ITGB1: variants seen among roughly 807,000 people sequenced by gnomAD.
The protein encoded by ITGB1 is integrin subunit beta 1, also known as integrin beta-1.
Under a neutral mutation model 86.5 loss-of-function variants are expected in ITGB1, and 24 were observed. The ratio of observed to expected loss-of-function variants is 0.28; its 90% confidence interval spans 0.20 to 0.39. The LOEUF (loss-of-function observed/expected upper bound fraction) is 0.39, where lower values mean the gene tolerates loss of function less well. ITGB1 is among the 10% of genes least tolerant of loss of function. The pLI is 1.00. For missense variants in ITGB1, 556 were observed against 946.9 expected (o/e 0.59, Z 5.42); for synonymous variants, 323 against 316.8 (o/e 1.02, Z -0.21).
intron 9 of ITGB1, among the ~76,000 whole-genome samples, chr10:32,920,951 C>T (rs2094947578): frequency 1.3e-5 from 2 of 151,854 alleles, no homozygotes. Flanking sequence ...CCACTGCACT[C>T]CAGCCTGAGC....
intron 15 of ITGB1, among the ~76,000 whole-genome samples, chr10:32,902,429 TTATAC>T (rs1317622432): frequency 2.6e-5 from 4 of 152,214 alleles, no homozygotes; most frequent in South Asian, 2.1e-4. Flanking sequence ...AAAAATTCTC[TTATAC>T]TATAACTGCT....
At chr10:32,944,010 T>C (rs2095025209) in intron 1 of ITGB1, among the ~76,000 whole-genome samples, 1 of 152,162 alleles carries the variant, frequency 6.6e-6, no homozygotes, top group Non-Finnish European at 1.5e-5. Context: ...TTCTAAGAAC[T>C]ACAGTGCACG....
chr10:32,916,602 G>T (rs1593860979), intron 11 of ITGB1, among the ~76,000 whole-genome samples: 1 of 152,132 alleles, frequency 6.6e-6, no homozygotes, highest in South Asian at 2.1e-4. Context: ...CTGCTTCAAA[G>T]AGAATAAAAT....
At chr10:32,937,970 T>C (rs1387271983) in intron 1 of ITGB1, among the ~76,000 whole-genome samples, 1 of 152,248 alleles carries the variant, frequency 6.6e-6, no homozygotes, top group Non-Finnish European at 1.5e-5. Context: ...AGTTGTGCTC[T>C]GAGCACCCGA....
At chr10:32,935,455 A>C (rs774372007) in intron 2 of ITGB1, 37 bp downstream of exon 2, 1 of 1,368,334 alleles carries the variant, frequency 7.3e-7, no homozygotes, top group Non-Finnish European at 1.0e-6. Flanking sequence ...CAAGATACGG[A>C]AATGAAAAGA....
At chr10:32,913,488 C>T (rs561172123) in intron 11 of ITGB1, among the ~76,000 whole-genome samples, 8 of 152,116 alleles carry the variant, frequency 5.3e-5, no homozygotes, top group South Asian at 2.1e-4. Flanking sequence ...CCTGATGGAG[C>T]GGAAAACCAT....
At chr10:32,912,927 C>T (rs188206982) in intron 11 of ITGB1, among the ~76,000 whole-genome samples, 1 of 152,310 alleles carries the variant, frequency 6.6e-6, no homozygotes, top group African/African-American at 2.4e-5. Flanking sequence ...GGCTGACTGA[C>T]ACCTCATACA....
At chr10:32,916,967 C>G (rs1438370247) in intron 11 of ITGB1, among the ~76,000 whole-genome samples, 4 of 152,164 alleles carry the variant, frequency 2.6e-5, no homozygotes, top group East Asian at 1.9e-4. Flanking sequence ...GTAACCAAAA[C>G]AGCATGGTAC....
rs768997768 is a variant in ITGB1, at chr10:32,920,220, A to G, written c.1269+25T>C. ...TGCTTATAAATAACCAATGTTTTCT[A>G]CAGAAAATGCTTTATACAACATACC... On this transcript the variant is annotated intron_variant, in intron 10 of 15. Transcript: ENST00000302278. 4.4e-6 allele frequency: 7 copies of G among 1,603,298 alleles called. No individual in the cohort carries two copies. In the South Asian group the frequency reaches 7.9e-5, roughly 18 times the overall value.
intron 11 of ITGB1, among the ~76,000 whole-genome samples, chr10:32,913,215 C>T (rs2094919307): frequency 6.6e-6 from 1 of 152,148 alleles, no homozygotes; most frequent in Admixed American, 6.6e-5. Flanking sequence ...TGGGGAGAAA[C>T]CAGAGCAGAA....
chr10:32,933,545 C>T (rs2094990955), intron 2 of ITGB1: 3 of 152,152 alleles, frequency 2.0e-5, no homozygotes, highest in Non-Finnish European at 4.4e-5. Context: ...CGTATCTTTT[C>T]TGAGATTATA....
In ITGB1 at chr10:32,920,052, C is replaced by T. The variant is rs1593864042; in HGVS notation, c.1302G>A (p.Lys434=). 3.1e-6 allele frequency: 5 copies of T among 1,613,866 alleles called. No homozygotes were observed. The highest frequency in any genetic ancestry group is 4.2e-6 in the Non-Finnish European group (5 of 1,179,902). ...AGCTGTCAGAATCCTTTTTTGGACA[C>T]TTATTTGAAGTTATGCTAATTTCAA... ...VQFEISITSN[K]CPKKDSDSFK... The change falls in exon 11 of 16, where the codon AAG becomes AAA. Residue 434 remains lysine (K), a synonymous_variant. Coordinates refer to ENST00000302278, the MANE Select transcript of ITGB1 (RefSeq NM_002211.4).
In ITGB1 at chr10:32,908,430, T is replaced by C; in HGVS notation, c.2269A>G (p.Ile757Val). Residue 757 changes from isoleucine (I) to valine (V), a missense_variant, in exon 15 of 16, where the codon ATT becomes GTT. By Grantham distance (29) the Ile-to-Val change is conservative. Coordinates refer to ENST00000302278, the MANE Select transcript of ITGB1 (RefSeq NM_002211.4). ...TTAGCAAACTCCCTTCTGTCATGAA[T>C]TATCATTAAAAGCTTCCATATCAGC... ...LLLIWKLLMI[I>V]HDRREFAKFE... is the part of the protein sequence containing the mutation. 6.2e-7 allele frequency: 1 copy of C among 1,613,354 alleles called. No individual in the cohort carries two copies. The highest frequency in any genetic ancestry group is 1.3e-5 in the African/African-American group (1 of 75,046).
intron 15 of ITGB1, chr10:32,907,221 TC>T (rs1225961521): frequency 4.4e-6 from 2 of 458,490 alleles, no homozygotes; most frequent in East Asian, 8.1e-5. Flanking sequence ...ACTATAAATG[TC>T]TTTTTTTTTA....
intron 1 of ITGB1, among the ~76,000 whole-genome samples, chr10:32,951,470 A>G (rs1373023686): frequency 6.6e-6 from 1 of 152,192 alleles, no homozygotes; most frequent in African/African-American, 2.4e-5. Context: ...AAACGGGAAA[A>G]AAATGAAGCA....
At chr10:32,920,513 A>T in intron 9 of ITGB1, 128 bp from the exon 10 acceptor site, 1 of 737,032 alleles carries the variant, frequency 1.4e-6, no homozygotes, top group Non-Finnish European at 2.2e-6. Context: ...AATCCAATTG[A>T]GTAACTAGAA....
chr10:32,948,971 G>A (rs1401448928), intron 1 of ITGB1, among the ~76,000 whole-genome samples: 43 of 121,402 alleles, frequency 3.5e-4, no homozygotes, highest in Non-Finnish European at 4.4e-4. Context: ...GTGGATTACT[G>A]AAAAAAAAAA....
chr10:32,919,582 C>T, intron 11 of ITGB1, among the ~76,000 whole-genome samples: 1 of 152,012 alleles, frequency 6.6e-6, no homozygotes, highest in Middle Eastern at 3.2e-3. Flanking sequence ...TTATTTTGTT[C>T]TAGAAAATTG....
At chr10:32,945,585 C>T (rs779068054) in intron 1 of ITGB1, among the ~76,000 whole-genome samples, 8 of 150,546 alleles carry the variant, frequency 5.3e-5, no homozygotes, top group Non-Finnish European at 1.2e-4. Flanking sequence ...GGCGACAGAC[C>T]GAGACTCTGT....
Sources: allele counts gnomAD v4.1 joint callset (sites outside exome capture counted in the v4.1 genomes callset), GRCh38; gene constraint gnomAD v4.1.1; transcripts MANE v1.5; gene names NCBI Gene and HGNC (gene_info 2026-07-23, HGNC 2026-07-21).